Variants in TEC observed in about 807,000 individuals in gnomAD.
TEC encodes tec protein tyrosine kinase.
Under a neutral mutation model 93.0 loss-of-function variants are expected in TEC, and 72 were observed. The ratio of observed to expected loss-of-function variants is 0.77; its 90% confidence interval spans 0.64 to 0.94. TEC has a LOEUF of 0.94. Ranked by LOEUF, TEC falls within the 40% of genes least tolerant of loss-of-function variation. The pLI is 0.00. For synonymous variants in TEC, 249 were observed against 247.7 expected, an observed-to-expected ratio of 1.01 and a Z score of -0.05; for missense variants, 630 against 757.9, an observed-to-expected ratio of 0.83 and a Z score of 1.98.
At position 48,146,375 on chromosome 4, in the gene TEC, G is replaced by A; in HGVS notation, c.1031C>T (p.Pro344Leu). The change falls in exon 12 of 18, where the codon CCA becomes CTA. Residue 344 changes from proline to leucine, a missense_variant. Coordinates refer to ENST00000381501, the MANE Select transcript of TEC (RefSeq NM_003215.3). Reference protein sequence around the residue: ...AAGLVTRLRYPVSVKGKNAPT... With the variant: ...AAGLVTRLRYLVSVKGKNAPT... The stretch of plus-strand genomic sequence containing the variant: ...TGCATTCTTCCCTTTCACACTAACT[G>A]GGTACCGAAGCCTGGTGACAAGTCC... 1 of 1,613,820 alleles carries A rather than the reference G, an allele frequency of 6.2e-7. No homozygotes were observed. Among genetic ancestry groups the A allele is most frequent in the Non-Finnish European group, 8.5e-7 (1 of 1,179,806 alleles).
At chr4:48,253,833 C>G (rs1724271795) in intron 1 of TEC, among the ~76,000 whole-genome samples, 1 of 152,068 alleles carries the variant, frequency 6.6e-6, no homozygotes, top group Admixed American at 6.6e-5. Context: ...CCTAGGCCCC[C>G]CCAAAGCGCT....
intron 6 of TEC, 69 bp downstream of exon 6, chr4:48,168,517 A>G: frequency 2.6e-6 from 4 of 1,530,404 alleles, no homozygotes; most frequent in Middle Eastern, 3.4e-4. Context: ...AGTCACAAAC[A>G]CTACCAAAAC....
chr4:48,167,690 A>G (rs2109541878), intron 7 of TEC, 88 bp downstream of exon 7: 1 of 1,256,292 alleles, frequency 8.0e-7, no homozygotes, highest in African/African-American at 1.5e-5. Context: ...TAGTCTCATT[A>G]CACGATAGTT....
chr4:48,250,665 G>A (rs1222465963), intron 1 of TEC, among the ~76,000 whole-genome samples: 3 of 152,130 alleles, frequency 2.0e-5, no homozygotes, highest in African/African-American at 7.2e-5. Flanking sequence ...ATGGAGGAGA[G>A]CAGAGTTGAT....
chr4:48,212,110 A>AAAATATATATATAT, intron 2 of TEC, among the ~76,000 whole-genome samples: 1 of 122,266 alleles, frequency 8.2e-6, no homozygotes, highest in African/African-American at 3.0e-5. Context: ...AAAAAAAAAA[A>AAAATATATATATAT]ATATATATAT....
intron 8 of TEC, among the ~76,000 whole-genome samples, chr4:48,158,050 G>T (rs1028083967): frequency 6.6e-6 from 1 of 152,156 alleles, no homozygotes. Flanking sequence ...TATACCCTGA[G>T]AATTCAAATG....
At chr4:48,252,219 T>A (rs1341082727) in intron 1 of TEC, among the ~76,000 whole-genome samples, 1 of 152,170 alleles carries the variant, frequency 6.6e-6, no homozygotes, top group Non-Finnish European at 1.5e-5. Context: ...AATAAGCAAA[T>A]ATACATAAAG....
In TEC at chr4:48,250,549, G is replaced by A. The variant is rs191883440; in HGVS notation, c.-46+19203C>T. Among the ~76,000 whole-genome samples the A allele has an allele frequency of 3.2e-3, 492 of 152,268 alleles. 3 individuals carry two copies. Among genetic ancestry groups the A allele is most frequent in the Non-Finnish European group, 3.5e-3 (238 of 68,014 alleles). ...CAAGCTGAGTCCTTAAAACGTGTGC[G>A]TTTGTTTCTACTTCCTCTCTTGCTT... is the stretch of plus-strand genomic sequence containing the variant. On this transcript the variant is annotated intron_variant, in intron 1 of 17. Transcript: ENST00000381501.
intron 1 of TEC, among the ~76,000 whole-genome samples, chr4:48,262,464 T>C (rs1724523693): frequency 1.3e-5 from 2 of 152,114 alleles, no homozygotes; most frequent in South Asian, 4.1e-4. Flanking sequence ...TCCAAAGTGC[T>C]AGGATTACAG....
chr4:48,195,669 TAAAC>T lies in TEC; in HGVS notation c.139-19487_139-19484del, dbSNP rs149923308. ...CTGTTGGGTAAATGGGGCACTGAGTTAAACAAATTGATCAAGGGCAAATGAGTAA... is the reference window on the plus strand; with the variant it reads ...CTGTTGGGTAAATGGGGCACTGAGTTAAATTGATCAAGGGCAAATGAGTAA... On this transcript the variant is annotated intron_variant, in intron 2 of 17. Transcript: ENST00000381501. Among the ~76,000 whole-genome samples the T allele has an allele frequency of 3.2e-3, 483 of 152,318 alleles. 13 individuals are homozygous for T. The East Asian group carries it at 0.072, about 23-fold the overall frequency.
At chr4:48,257,040 T>C (rs1456799310) in intron 1 of TEC, among the ~76,000 whole-genome samples, 2 of 152,224 alleles carry the variant, frequency 1.3e-5, no homozygotes, top group Admixed American at 1.3e-4. Flanking sequence ...TAATTTTTTT[T>C]CCATTAATCA....
Position 48,137,514 on chromosome 4 carries a change from C to CA in TEC, c.1813-16dup. 1 of 1,611,750 alleles carries CA rather than the reference C, an allele frequency of 6.2e-7. No individual in the cohort carries two copies. The highest frequency in any genetic ancestry group is 1.3e-5 in the African/African-American group (1 of 74,952). On this transcript the variant is annotated splice_polypyrimidine_tract_variant and intron_variant, in intron 17 of 17. Coordinates refer to ENST00000381501, the MANE Select transcript of TEC (RefSeq NM_003215.3). Reference sequence around the variant, plus strand: ...CCCTCTGGTTTCTACAATTAAAAGTCAAAGAGAAGCTGTGGGTTCCAGAAT... The same window carrying CA: ...CCCTCTGGTTTCTACAATTAAAAGTCAAAAGAGAAGCTGTGGGTTCCAGAAT...
Position 48,190,359 on chromosome 4 carries a change from C to CCTCTTA in TEC, c.139-14179_139-14174dup, listed in dbSNP as rs1475574834. 2.0e-5 allele frequency among the ~76,000 whole-genome samples: 3 copies of CCTCTTA among 152,254 alleles called. No homozygotes were observed. In the South Asian group the frequency reaches 6.2e-4, roughly 32 times the overall value. On this transcript the variant is annotated intron_variant, in intron 2 of 17. Coordinates refer to ENST00000381501, the MANE Select transcript of TEC (RefSeq NM_003215.3). The stretch of plus-strand genomic sequence containing the variant: ...ATTTATCATTACACATTAGCAAAAC[C>CCTCTTA]CTCTTACTCTCCATGTGTCTGCTAA...
At chr4:48,178,865 G>A (rs1015269293) in intron 2 of TEC, among the ~76,000 whole-genome samples, 1 of 152,120 alleles carries the variant, frequency 6.6e-6, no homozygotes, top group African/African-American at 2.4e-5. Context: ...TGCACCCTCA[G>A]TTTTCATTTC....
intron 2 of TEC, among the ~76,000 whole-genome samples, chr4:48,201,445 G>A (rs1350924646): frequency 3.3e-5 from 5 of 152,126 alleles, no homozygotes; most frequent in Non-Finnish European, 7.3e-5. Context: ...TGAGAAAAGA[G>A]ACCCCACGAA....
chr4:48,175,115 G>C (rs1338228267), intron 3 of TEC, among the ~76,000 whole-genome samples: 3 of 152,170 alleles, frequency 2.0e-5, no homozygotes, highest in African/African-American at 7.2e-5. Flanking sequence ...ATAAGGAACA[G>C]GGAAAAGGAA....
At chr4:48,160,347 C>T (rs561004775) in intron 8 of TEC, among the ~76,000 whole-genome samples, 1 of 152,278 alleles carries the variant, frequency 6.6e-6, no homozygotes, top group South Asian at 2.1e-4. Context: ...GTAGAACACA[C>T]ACCCAAGCCT....
chr4:48,260,453 A>G (rs7676110), intron 1 of TEC, among the ~76,000 whole-genome samples: 74,406 of 151,858 alleles, frequency 0.49, 18,766 homozygotes, highest in East Asian at 0.57. Context: ...GGATGCAGTC[A>G]TATGCATCTG....
At chr4:48,167,610 A>C (rs1720921122) in intron 7 of TEC, among the ~76,000 whole-genome samples, 168 bp downstream of exon 7, 1 of 152,174 alleles carries the variant, frequency 6.6e-6, no homozygotes, top group African/African-American at 2.4e-5. Context: ...GCATTTACTG[A>C]GTGACCACTA....
Sources: allele counts gnomAD v4.1 joint callset (sites outside exome capture counted in the v4.1 genomes callset), GRCh38; gene constraint gnomAD v4.1.1; transcripts MANE v1.5; gene names NCBI Gene and HGNC (gene_info 2026-07-23, HGNC 2026-07-21).